TLL1: variants seen among roughly 807,000 people sequenced by gnomAD.
TLL1 encodes the protein tolloid like 1.
In TLL1, 49 loss-of-function variants were observed where a neutral mutation model predicts 128.2. The ratio of observed to expected loss-of-function variants is 0.38; its 90% CI spans 0.30 to 0.48. The LOEUF (loss-of-function observed/expected upper bound fraction) is 0.48, where lower values mean the gene tolerates loss of function less well. TLL1 is among the 20% of genes least tolerant of loss of function. The pLI, the probability that TLL1 is intolerant of heterozygous loss-of-function variation, is 0.96. For synonymous variants in TLL1, 454 were observed against 418.8 expected, an observed-to-expected ratio of 1.08 and a Z score of -1.03; for missense variants, 1,123 against 1,242.0, an observed-to-expected ratio of 0.90 and a Z score of 1.44.
chr4:165,922,732 C>G (rs1733090221), intron 1 of TLL1, among the ~76,000 whole-genome samples: 1 of 152,112 alleles, frequency 6.6e-6, no homozygotes, highest in Non-Finnish European at 1.5e-5. Context: ...CAAGTTAAAA[C>G]CAGAATATTC....
chr4:165,926,645 G>A (rs1733282934), intron 1 of TLL1, among the ~76,000 whole-genome samples: 1 of 152,076 alleles, frequency 6.6e-6, no homozygotes, highest in African/African-American at 2.4e-5. Flanking sequence ...TGCTGTCTTG[G>A]ACATCAAAGC....
intron 1 of TLL1, among the ~76,000 whole-genome samples, chr4:165,939,355 G>A (rs1733898691): frequency 6.6e-6 from 1 of 152,086 alleles, no homozygotes; most frequent in Admixed American, 6.6e-5. Flanking sequence ...TAACCCTCTT[G>A]TTGTGACTCT....
chr4:165,949,107 A>T (rs1001875753), intron 1 of TLL1, among the ~76,000 whole-genome samples: 1 of 152,272 alleles, frequency 6.6e-6, no homozygotes, highest in African/African-American at 2.4e-5. Context: ...AAAGAATTAG[A>T]AAAATTCATC....
intron 1 of TLL1, among the ~76,000 whole-genome samples, chr4:165,948,271 C>T (rs893132755): frequency 2.6e-5 from 4 of 152,098 alleles, no homozygotes; most frequent in African/African-American, 9.7e-5. Context: ...TCTTTAATTT[C>T]ACAGGTCCAC....
At chr4:165,876,297 G>GA (rs949339017) in intron 1 of TLL1, among the ~76,000 whole-genome samples, 6 of 147,362 alleles carry the variant, frequency 4.1e-5, no homozygotes, top group South Asian at 2.1e-4. Flanking sequence ...TCCAATAACA[G>GA]AAAAAAAATG....
intron 1 of TLL1, among the ~76,000 whole-genome samples, chr4:165,941,714 C>T (rs1205319115): frequency 6.6e-6 from 1 of 152,042 alleles, no homozygotes; most frequent in African/African-American, 2.4e-5. Flanking sequence ...CTAAACAAAG[C>T]ACTCCCACAT....
At chr4:165,923,590 C>T (rs549216078) in intron 1 of TLL1, among the ~76,000 whole-genome samples, 9 of 151,656 alleles carry the variant, frequency 5.9e-5, no homozygotes, top group African/African-American at 9.7e-5. Context: ...CCCACCACCA[C>T]GCTCCACTAA....
intron 1 of TLL1, among the ~76,000 whole-genome samples, chr4:165,988,070 T>C (rs1483394630): frequency 1.3e-5 from 2 of 152,138 alleles, no homozygotes. Context: ...GTCTCATGAT[T>C]AATTTCTTAT....
At chr4:165,920,414 A>G (rs1732994024) in intron 1 of TLL1, among the ~76,000 whole-genome samples, 3 of 152,232 alleles carry the variant, frequency 2.0e-5, no homozygotes, top group African/African-American at 7.2e-5. Context: ...TATCATTTCA[A>G]TGATGTTGCT....
chr4:165,888,292 A>G (rs551524871), intron 1 of TLL1, among the ~76,000 whole-genome samples: 13 of 152,152 alleles, frequency 8.5e-5, no homozygotes, highest in Non-Finnish European at 1.8e-4. Flanking sequence ...CAAATTAGGA[A>G]TTCTGTGTTT....
In TLL1 at chr4:166,089,076, C is replaced by T. The variant is rs28631274; in HGVS notation, c.2443-2052C>T. Among the ~76,000 whole-genome samples, 791 of 152,208 alleles carry T rather than the reference C, an allele frequency of 5.2e-3. 5 individuals carry two copies. Among genetic ancestry groups the T allele is most frequent in the African/African-American group, 0.018 (756 of 41,546 alleles). ...CAGCAGGTTTCCCTGGTTCTTTGCT[C>T]TTTATATTTACAGATTAGTGACTTT... is the stretch of plus-strand genomic sequence containing the variant. On this transcript the variant is annotated intron_variant, in intron 18 of 20. Coordinates refer to ENST00000061240, the MANE Select transcript of TLL1 (RefSeq NM_012464.5).
chr4:166,047,267 C>T (rs58407139), intron 12 of TLL1, among the ~76,000 whole-genome samples: 6,825 of 151,456 alleles, frequency 0.045, 198 homozygotes, highest in African/African-American at 0.067. Context: ...CAGGTTCAAG[C>T]GATTCTCCTG....
chr4:165,969,670 C>T lies in TLL1; in HGVS notation c.170-19711C>T, dbSNP rs914013374. On this transcript the variant is annotated intron_variant, in intron 1 of 20. Coordinates refer to ENST00000061240, the MANE Select transcript of TLL1 (RefSeq NM_012464.5). ...GGTTATTATTTTAGGGATAACCTAA[C>T]ACACATTATTCAGGGCCTGCTTTTC... Among the ~76,000 whole-genome samples the T allele has an allele frequency of 5.5e-4, 83 of 152,192 alleles. 1 individual carries two copies. The highest frequency in any genetic ancestry group is 6.8e-3 in the Middle Eastern group (2 of 294).
At chr4:165,974,241 C>G (rs1351299980) in intron 1 of TLL1, among the ~76,000 whole-genome samples, 1 of 129,980 alleles carries the variant, frequency 7.7e-6, no homozygotes, top group African/African-American at 3.4e-5. Context: ...CCCGGGTTCA[C>G]GCCATTCTCC....
At chr4:165,997,181 A>C (rs1438860655) in intron 5 of TLL1, among the ~76,000 whole-genome samples, 1 of 152,180 alleles carries the variant, frequency 6.6e-6, no homozygotes, top group East Asian at 1.9e-4. Context: ...TGCTTCACTT[A>C]AATCTCATAA....
intron 1 of TLL1, among the ~76,000 whole-genome samples, chr4:165,939,287 G>C (rs1733895521): frequency 6.6e-6 from 1 of 152,052 alleles, no homozygotes; most frequent in African/African-American, 2.4e-5. Context: ...CAATCTTCTT[G>C]ATATGGGGCA....
chr4:165,943,145 G>T (rs926290383), intron 1 of TLL1, among the ~76,000 whole-genome samples: 3 of 151,990 alleles, frequency 2.0e-5, no homozygotes, highest in Admixed American at 1.3e-4. Flanking sequence ...TATGAGTAAA[G>T]ATTGCTAGCT....
intron 12 of TLL1, among the ~76,000 whole-genome samples, chr4:166,051,230 CTCTTT>C (rs1352273583): frequency 1.3e-5 from 2 of 152,024 alleles, no homozygotes; most frequent in Non-Finnish European, 2.9e-5. Flanking sequence ...ACTGCTCTTT[CTCTTT>C]TCTTTTTTCT....
chr4:165,935,412 T>C (rs906062515), intron 1 of TLL1, among the ~76,000 whole-genome samples: 1 of 152,232 alleles, frequency 6.6e-6, no homozygotes, highest in Non-Finnish European at 1.5e-5. Flanking sequence ...AAATTTAATG[T>C]AGTACTAATT....
Sources: gnomAD v4.1 joint callset for allele counts (sites outside exome capture counted in the v4.1 genomes callset) on GRCh38, gnomAD v4.1.1 for gene constraint, MANE v1.5 for transcripts, NCBI Gene and HGNC (gene_info 2026-07-23, HGNC 2026-07-21) for gene names.